SPSB4: variants seen among roughly 807,000 people sequenced by gnomAD.
SPSB4 encodes the protein SPRY domain-containing SOCS box protein 4.
A neutral mutation model predicts 20.9 loss-of-function variants in SPSB4; 21 were observed. The observed-to-expected ratio is 1.01, with a 90% confidence interval of 0.71 to 1.45. The LOEUF (loss-of-function observed/expected upper bound fraction) is 1.45, where lower values mean the gene tolerates loss of function less well. SPSB4 is among the 40% of genes most tolerant of loss of function. The pLI is 0.00. For missense variants in SPSB4, 399 were observed against 399.2 expected (o/e 1.00, Z 0.00); for synonymous variants, 207 against 183.8 (o/e 1.13, Z -1.02).
At chr3:141,071,141 A>G (rs993830246) in intron 2 of SPSB4, among the ~76,000 whole-genome samples, 4 of 152,232 alleles carry the variant, frequency 2.6e-5, no homozygotes, top group African/African-American at 9.7e-5. Flanking sequence ...GATCACTAAC[A>G]GGGGAATGTC....
intron 2 of SPSB4, among the ~76,000 whole-genome samples, chr3:141,089,585 G>A (rs1311992516): frequency 1.3e-5 from 2 of 152,166 alleles, no homozygotes; most frequent in Non-Finnish European, 2.9e-5. Context: ...GTAAGACAGT[G>A]AGCAGAGGTG....
At chr3:141,119,530 G>T (rs1308215910) in intron 2 of SPSB4, among the ~76,000 whole-genome samples, 2 of 152,286 alleles carry the variant, frequency 1.3e-5, no homozygotes, top group East Asian at 3.9e-4. Flanking sequence ...ACAATATGTT[G>T]AATAGGAGTG....
At chr3:141,144,560 G>C (rs972560960) in intron 2 of SPSB4, among the ~76,000 whole-genome samples, 1 of 152,182 alleles carries the variant, frequency 6.6e-6, no homozygotes, top group African/African-American at 2.4e-5. Context: ...TCCACAGTGG[G>C]GGCAGGAACT....
intron 2 of SPSB4, among the ~76,000 whole-genome samples, chr3:141,074,210 A>G (rs1175004672): frequency 6.6e-6 from 1 of 152,180 alleles, no homozygotes; most frequent in African/African-American, 2.4e-5. Flanking sequence ...GTGACCCTGA[A>G]CAAGTCATTT....
intron 2 of SPSB4, among the ~76,000 whole-genome samples, chr3:141,125,557 G>GC (rs1939038203): frequency 6.6e-6 from 1 of 152,176 alleles, no homozygotes; most frequent in Admixed American, 6.5e-5. Context: ...GTCAACATGT[G>GC]CCCCCTGCCA....
intron 2 of SPSB4, among the ~76,000 whole-genome samples, chr3:141,095,087 C>G (rs138526807): frequency 6.6e-6 from 1 of 152,062 alleles, no homozygotes; most frequent in Non-Finnish European, 1.5e-5. Flanking sequence ...CGTGTCTCGT[C>G]GGTCCCTATT....
chr3:141,141,419 C>G (rs562826763), intron 2 of SPSB4, among the ~76,000 whole-genome samples: 1 of 152,218 alleles, frequency 6.6e-6, no homozygotes, highest in Non-Finnish European at 1.5e-5. Context: ...TCTTCTGCAT[C>G]GCTCACGCTG....
chr3:141,119,286 C>T (rs551695883), intron 2 of SPSB4, among the ~76,000 whole-genome samples: 5 of 152,274 alleles, frequency 3.3e-5, no homozygotes, highest in African/African-American at 1.2e-4. Context: ...ATTTGGCTCT[C>T]TGTTTGTCTG....
At chr3:141,117,071 T>A (rs1469619009) in intron 2 of SPSB4, 1 of 152,240 alleles carries the variant, frequency 6.6e-6, no homozygotes, top group Non-Finnish European at 1.5e-5. Context: ...CCTACCTGGA[T>A]GTCCAGTCCT....
At position 141,066,579 on chromosome 3, in the gene SPSB4, G is replaced by A; in HGVS notation, c.475G>A (p.Val159Met). Residue 159 changes from valine to methionine, a missense_variant, in exon 2 of 3, where the codon GTG becomes ATG. By Grantham distance (21) the Val-to-Met change is conservative (BLOSUM62 1). Transcript: ENST00000310546. ...CCACGACGGCAAGAACCAGCCCGGCGTGGCCTACCCGGCCTTTCTGGGGCC... is the reference window on the plus strand; with the variant it reads ...CCACGACGGCAAGAACCAGCCCGGCATGGCCTACCCGGCCTTTCTGGGGCC... ...LYHDGKNQPGVAYPAFLGPDE... is the reference protein window; with the variant it reads ...LYHDGKNQPGMAYPAFLGPDE... 2 of 1,557,734 alleles carry A rather than the reference G, an allele frequency of 1.3e-6. No individual in the cohort carries two copies. Among genetic ancestry groups the A allele is most frequent in the Non-Finnish European group, 1.7e-6 (2 of 1,152,106 alleles).
At chr3:141,140,659 C>T (rs368554472) in intron 2 of SPSB4, among the ~76,000 whole-genome samples, 2 of 152,152 alleles carry the variant, frequency 1.3e-5, no homozygotes, top group Admixed American at 6.5e-5. Context: ...ATTGGTGAAC[C>T]GCAAATGCTG....
At chr3:141,141,426 G>A (rs770272956) in intron 2 of SPSB4, among the ~76,000 whole-genome samples, 21 of 152,138 alleles carry the variant, frequency 1.4e-4, no homozygotes, top group Non-Finnish European at 2.5e-4. Flanking sequence ...CATCGCTCAC[G>A]CTGGGAGTTG....
At chr3:141,120,341 T>A (rs1446847352) in intron 2 of SPSB4, among the ~76,000 whole-genome samples, 1 of 152,214 alleles carries the variant, frequency 6.6e-6, no homozygotes, top group Non-Finnish European at 1.5e-5. Flanking sequence ...TCCAAGTATG[T>A]GGTCAATTTT....
chr3:141,057,624 A>T (rs1937679471), intron 1 of SPSB4, among the ~76,000 whole-genome samples: 2 of 152,184 alleles, frequency 1.3e-5, no homozygotes, highest in African/African-American at 2.4e-5. Context: ...GGAGGCAGCC[A>T]AAGAGACATC....
intron 2 of SPSB4, among the ~76,000 whole-genome samples, chr3:141,071,703 G>C (rs953783237): frequency 2.6e-5 from 4 of 152,120 alleles, no homozygotes; most frequent in Non-Finnish European, 5.9e-5. Flanking sequence ...CAGAACGGGC[G>C]CCAGTGTCAG....
chr3:141,118,994 A>C (rs1488842197), intron 2 of SPSB4, among the ~76,000 whole-genome samples: 2 of 152,218 alleles, frequency 1.3e-5, no homozygotes, highest in Non-Finnish European at 2.9e-5. Flanking sequence ...GTTCCATATG[A>C]ACTTTAAAGT....
At chr3:141,090,734 T>C (rs1938436877) in intron 2 of SPSB4, among the ~76,000 whole-genome samples, 1 of 152,162 alleles carries the variant, frequency 6.6e-6, no homozygotes, top group Non-Finnish European at 1.5e-5. Flanking sequence ...CTACAGACTT[T>C]TGAGAAGAAG....
chr3:141,139,095 T>G lies in SPSB4; in HGVS notation c.695-8047T>G, dbSNP rs181086616. Among the ~76,000 whole-genome samples, 998 of 152,342 alleles carry G rather than the reference T, an allele frequency of 6.6e-3. 13 individuals are homozygous for G. Among genetic ancestry groups the G allele is most frequent in the African/African-American group, 0.023 (959 of 41,582 alleles). ...ATCCCTTTACCATTATGTAATGGCC[T>G]TCTTTGTCTCTTTTGATCTTTGTTG... is the stretch of plus-strand genomic sequence containing the variant. On this transcript the variant is annotated intron_variant, in intron 2 of 2. Coordinates refer to ENST00000310546, the MANE Select transcript of SPSB4 (RefSeq NM_080862.3).
chr3:141,082,700 T>C (rs933712896), intron 2 of SPSB4, among the ~76,000 whole-genome samples: 2 of 152,138 alleles, frequency 1.3e-5, no homozygotes, highest in Admixed American at 1.3e-4. Context: ...GTGTGAAGTG[T>C]TAATAATATC....
Sources: allele counts gnomAD v4.1 joint callset (sites outside exome capture counted in the v4.1 genomes callset), GRCh38; gene constraint gnomAD v4.1.1; transcripts MANE v1.5; gene names NCBI Gene and HGNC (gene_info 2026-07-23, HGNC 2026-07-21).